Variants in FPGT observed in about 807,000 individuals in gnomAD.
FPGT encodes fucose-1-phosphate guanylyltransferase.
Under a neutral mutation model 45.8 loss-of-function variants are expected in FPGT, and 41 were observed. The ratio of observed to expected loss-of-function variants is 0.90; its 90% CI spans 0.70 to 1.16. FPGT has a LOEUF of 1.16. Ranked by LOEUF, FPGT falls within the 50% of genes most tolerant of loss-of-function variation. The probability of loss-of-function intolerance (pLI) is 0.00; values close to 1 mark genes in which losing one functional copy is unlikely to be tolerated. For missense variants in FPGT, 755 were observed against 689.1 expected, an observed-to-expected ratio of 1.10 and a Z score of -1.07; for synonymous variants, 292 against 247.2, an observed-to-expected ratio of 1.18 and a Z score of -1.70.
chr1:74,203,166 C>G lies in FPGT; in HGVS notation c.344-1225C>G, dbSNP rs1304693328. Among the ~76,000 whole-genome samples, 2 of 152,108 alleles carry G rather than the reference C, an allele frequency of 1.3e-5. 1 individual carries two copies. Among genetic ancestry groups the G allele is most frequent in the Non-Finnish European group, 2.9e-5 (2 of 68,032 alleles). On this transcript the variant is annotated intron_variant, in intron 3 of 3. Transcript: ENST00000370898. ...GTTCTGTAGTTTAGTAAACTGGCAG[C>G]ACAGCAGGTTTGTTTATACCAGCAT...
chr1:74,204,397 A>G lies in FPGT; in HGVS notation c.350A>G (p.Tyr117Cys), dbSNP rs139882690. The G allele has an allele frequency of 3.9e-5, 61 of 1,559,612 alleles. No homozygotes were observed. In the Middle Eastern group the frequency reaches 6.9e-4, roughly 18 times the overall value. ...TTTCGTTTTAATTTTATAGGTGGCT[A>G]CAGTCAACGACTTCCAAATGCAAGT... The part of the protein sequence containing the change: ...FTILLIHSGG[Y>C]SQRLPNASAL... The change falls in exon 4 of 4, where the codon TAC becomes TGC. Residue 117 changes from tyrosine to cysteine, a missense_variant. Tyr to Cys is a radical substitution (Grantham distance 194, BLOSUM62 -2). Transcript: ENST00000370898.
rs1652324671 is a variant in FPGT, at chr1:74,206,880, A to G, written c.*1048A>G. 6.6e-6 allele frequency: 1 copy of G among 152,130 alleles called. No individual in the cohort carries two copies. Among genetic ancestry groups the G allele is most frequent in the Admixed American group, 6.6e-5 (1 of 15,264 alleles). The allele number at this position is 152,130 out of a possible 1,614,324, so 9.4% of individuals were successfully genotyped here. A position where few individuals can be genotyped will look rare whatever the true frequency, so the allele number is the denominator to read the frequency against. On this transcript the variant is annotated 3_prime_UTR_variant, in exon 4 of 4. Coordinates refer to ENST00000370898, the MANE Select transcript of FPGT (RefSeq NM_003838.5). ...AAAAGTCTTATAAGTGTAATAGAGA[A>G]AAGATTTGTCAGTGTGTTTTTTTAA...
At position 74,198,265 on chromosome 1, in the gene FPGT, G is replaced by A. The variant is rs574465280; in HGVS notation, c.-14G>A. On this transcript the variant is annotated 5_prime_UTR_variant, in exon 1 of 4. Coordinates refer to ENST00000370898, the MANE Select transcript of FPGT (RefSeq NM_003838.5). ...ATGCGTGCTGTGCGGCGCGGTCTCA[G>A]GGAAGGTGGGGCTATGGCAGCTGCT... 10 of 1,613,284 alleles carry A rather than the reference G, an allele frequency of 6.2e-6. No homozygotes were observed. In the South Asian group the frequency reaches 9.9e-5, roughly 16 times the overall value.
In FPGT at chr1:74,199,754, C is replaced by T; in HGVS notation, c.173C>T (p.Ser58Leu). ...GAACTTGCTTACAACCAACAGCTGT[C>T]AGAAAAGCTGAAAAGAAAGGAGTTA... ...KQELAYNQQL[S>L]EKLKRKELPL... Residue 58 changes from serine (S) to leucine (L), a missense_variant, in exon 2 of 4, where the codon TCA (serine) becomes TTA (leucine). Physicochemically the swap from Ser to Leu is moderately radical, Grantham distance 145 (BLOSUM62 -2). Coordinates refer to ENST00000370898, the MANE Select transcript of FPGT (RefSeq NM_003838.5). 1 of 1,614,062 alleles carries T rather than the reference C, an allele frequency of 6.2e-7. No individual in the cohort carries two copies.
chr1:74,200,497 C>CTTTT (rs202228945), intron 2 of FPGT, among the ~76,000 whole-genome samples: 23 of 106,548 alleles, frequency 2.2e-4, no homozygotes, highest in African/African-American at 6.0e-4. Context: ...GTTATTATTT[C>CTTTT]TTTTTTTTTT....
rs761595383 is a variant in FPGT, at chr1:74,205,688, T to C, written c.1641T>C (p.Ala547=). The C allele has an allele frequency of 8.7e-6, 14 of 1,612,590 alleles. No individual in the cohort carries two copies. In the Admixed American group the frequency reaches 2.3e-4, roughly 27 times the overall value. ...SVITSLKMLN[A]VKNKSAFSLN... is the part of the protein sequence containing the mutation. ...TAACATCCCTAAAGATGTTAAATGC[T>C]GTTAAGAACAAGTCAGCATTCAGCC... Residue 547 remains alanine, a synonymous_variant, in exon 4 of 4, where the codon GCT becomes GCC. Coordinates refer to ENST00000370898, the MANE Select transcript of FPGT (RefSeq NM_003838.5).
chr1:74,205,691 T>TA lies in FPGT; in HGVS notation c.1646dup (p.Asn550GlufsTer9). 2 of 1,612,214 alleles carry TA rather than the reference T, an allele frequency of 1.2e-6. No individual in the cohort carries two copies. The highest frequency in any genetic ancestry group is 1.7e-6 in the Non-Finnish European group (2 of 1,178,230). ...CATCCCTAAAGATGTTAAATGCTGT[T>TA]AAGAACAAGTCAGCATTCAGCCTGA... is the stretch of plus-strand genomic sequence containing the variant. On this transcript the variant is annotated frameshift_variant, in exon 4 of 4. Coordinates refer to ENST00000370898, the MANE Select transcript of FPGT (RefSeq NM_003838.5). LOFTEE classifies it high-confidence loss of function.
chr1:74,205,437 T>C lies in FPGT; in HGVS notation c.1390T>C (p.Leu464=), dbSNP rs1339805680. The C allele has an allele frequency of 1.2e-6, 2 of 1,613,646 alleles. No homozygotes were observed. Among genetic ancestry groups the C allele is most frequent in the South Asian group, 2.2e-5 (2 of 91,078 alleles). The change falls in exon 4 of 4, where the codon TTA becomes CTA. Residue 464 remains leucine, a synonymous_variant. Coordinates refer to ENST00000370898, the MANE Select transcript of FPGT (RefSeq NM_003838.5). Reference sequence around the variant, plus strand: ...CTTAAGCTTAAAGATGAATAGATGCTTAAAGTATGCAACTATGGCATTTGG... The same window carrying C: ...CTTAAGCTTAAAGATGAATAGATGCCTAAAGTATGCAACTATGGCATTTGG... ...CSLSLKMNRC[L]KYATMAFGVQ...
At chr1:74,204,041 CA>C (rs71678137) in intron 3 of FPGT, among the ~76,000 whole-genome samples, 59,422 of 137,936 alleles carry the variant, frequency 0.43, 13,076 homozygotes, top group East Asian at 0.73. Flanking sequence ...GACTTCATCT[CA>C]AAAAAAAAAA....
Position 74,205,470 on chromosome 1 carries a change from G to C in FPGT, c.1423G>C (p.Asp475His). 1 of 1,613,896 alleles carries C rather than the reference G, an allele frequency of 6.2e-7. No individual in the cohort carries two copies. The highest frequency in any genetic ancestry group is 8.5e-7 in the Non-Finnish European group (1 of 1,179,784). ...KYATMAFGVQ[D>H]NLKKSVKTLS... ...TGCAACTATGGCATTTGGAGTGCAA[G>C]ACAACTTGAAAAAGAGTGTGAAAAC... The change falls in exon 4 of 4, where the codon GAC becomes CAC. Residue 475 changes from aspartate (D) to histidine (H), a missense_variant. Coordinates refer to ENST00000370898, the MANE Select transcript of FPGT (RefSeq NM_003838.5).
In FPGT at chr1:74,206,934, G is replaced by A. The variant is rs1299926267; in HGVS notation, c.*1102G>A. The A allele has an allele frequency of 6.6e-6, 1 of 151,924 alleles. No homozygotes were observed. Among genetic ancestry groups the A allele is most frequent in the East Asian group, 1.9e-4 (1 of 5,198 alleles). 9.4% of individuals were successfully genotyped at this position (151,924 alleles called of 1,614,324 possible). ...AAATAACTAGTCTGTGCTACTTTAT[G>A]TCAATATAAAAATTGGTAAACTAGA... On this transcript the variant is annotated 3_prime_UTR_variant, in exon 4 of 4. Coordinates refer to ENST00000370898, the MANE Select transcript of FPGT (RefSeq NM_003838.5).
chr1:74,203,100 C>G (rs893584641), intron 3 of FPGT, among the ~76,000 whole-genome samples: 5 of 152,078 alleles, frequency 3.3e-5, no homozygotes, highest in Non-Finnish European at 5.9e-5. Context: ...GTAAAATAGT[C>G]ATTTATTACC....
intron 1 of FPGT, among the ~76,000 whole-genome samples, chr1:74,198,927 C>T (rs1336309459): frequency 6.6e-6 from 1 of 152,190 alleles, no homozygotes; most frequent in Non-Finnish European, 1.5e-5. Flanking sequence ...TTAAAAAATA[C>T]TGGGACTAAT....
Position 74,204,501 on chromosome 1 carries a change from A to G in FPGT, c.454A>G (p.Ile152Val). ...GCTAGAATTAAAACTAGCCATGTAC[A>G]TTGATTTCCCCTTAAATATGAATCC... ...QMLELKLAMY[I>V]DFPLNMNPGI... The change falls in exon 4 of 4, where the codon ATT becomes GTT. Residue 152 changes from isoleucine (I) to valine (V), a missense_variant. Physicochemically the swap from Ile to Val is conservative, Grantham distance 29. Transcript: ENST00000370898. 1 of 1,610,788 alleles carries G rather than the reference A, an allele frequency of 6.2e-7. No homozygotes were observed. The highest frequency in any genetic ancestry group is 8.5e-7 in the Non-Finnish European group (1 of 1,176,966).
rs754652430 is a variant in FPGT at position 74,205,248 on chromosome 1, T to C, written c.1201T>C (p.Cys401Arg). ...ACCAGAATGCTCTGGCAAAACATCC[T>C]GTATCATTCAAAGCATACTGGATTC... The part of the protein sequence containing the change: ...DIPECSGKTS[C>R]IIQSILDSRC... The change falls in exon 4 of 4, where the codon TGT (cysteine) becomes CGT (arginine). Residue 401 changes from cysteine to arginine, a missense_variant. By Grantham distance (180) the Cys-to-Arg change is radical. Transcript: ENST00000370898. The C allele has an allele frequency of 6.2e-7, 1 of 1,613,586 alleles. No individual in the cohort carries two copies. Among genetic ancestry groups the C allele is most frequent in the South Asian group, 1.1e-5 (1 of 91,068 alleles).
rs1007214859 is a variant in FPGT, at chr1:74,207,880, A to G, written c.*2048A>G. The stretch of plus-strand genomic sequence containing the variant: ...AATACTGTATTTTAACCTAATCTGA[A>G]TTTTAATCATAATCCTGTACAATGC... On this transcript the variant is annotated 3_prime_UTR_variant, in exon 4 of 4. Coordinates refer to ENST00000370898, the MANE Select transcript of FPGT (RefSeq NM_003838.5). 6.6e-6 allele frequency among the ~76,000 whole-genome samples: 1 copy of G among 152,056 alleles called. No homozygotes were observed. The highest frequency in any genetic ancestry group is 2.4e-5 in the African/African-American group (1 of 41,424).
chr1:74,202,399 G>A (rs1008489937), intron 3 of FPGT, among the ~76,000 whole-genome samples: 1 of 152,046 alleles, frequency 6.6e-6, no homozygotes, highest in African/African-American at 2.4e-5. Context: ...CTGGTTTGAA[G>A]CCTAAAAATG....
intron 3 of FPGT, 106 bp from the exon 4 acceptor site, chr1:74,204,285 T>TA: frequency 1.5e-6 from 1 of 660,416 alleles, no homozygotes; most frequent in Non-Finnish European, 2.5e-6. Context: ...TAAATATCGT[T>TA]AAATATATTT....
In FPGT at chr1:74,205,276, G is replaced by A; in HGVS notation, c.1229G>A (p.Arg410Lys). ...SCIIQSILDSRCSVAPGSVVE... is the reference protein window; with the variant it reads ...SCIIQSILDSKCSVAPGSVVE... Reference sequence around the variant, plus strand: ...ATCATTCAAAGCATACTGGATTCAAGATGTTCTGTGGCACCTGGCTCAGTT... The same window carrying A: ...ATCATTCAAAGCATACTGGATTCAAAATGTTCTGTGGCACCTGGCTCAGTT... The change falls in exon 4 of 4, where the codon AGA becomes AAA. Residue 410 changes from arginine to lysine, a missense_variant. By Grantham distance (26) the Arg-to-Lys change is conservative. Coordinates refer to ENST00000370898, the MANE Select transcript of FPGT (RefSeq NM_003838.5). 6.2e-7 allele frequency: 1 copy of A among 1,613,982 alleles called. No individual in the cohort carries two copies. Among genetic ancestry groups the A allele is most frequent in the South Asian group, 1.1e-5 (1 of 91,070 alleles).
Sources: allele counts gnomAD v4.1 joint callset (sites outside exome capture counted in the v4.1 genomes callset), GRCh38; gene constraint gnomAD v4.1.1; transcripts MANE v1.5; gene names NCBI Gene and HGNC (gene_info 2026-07-23, HGNC 2026-07-21).